Variants in ATP5MC3 observed in about 807,000 individuals in gnomAD.
The protein encoded by ATP5MC3 is ATP synthase membrane subunit c locus 3.
In ATP5MC3, 6 loss-of-function variants were observed where a neutral mutation model predicts 15.6. That is an observed-to-expected ratio of 0.38 (90% confidence interval 0.21 to 0.76). ATP5MC3 has a LOEUF of 0.76. Ranked by LOEUF, ATP5MC3 falls within the 30% of genes least tolerant of loss-of-function variation. The pLI is 0.44. For missense variants in ATP5MC3, 132 were observed against 171.2 expected (o/e 0.77, Z 1.28); for synonymous variants, 66 against 63.3 (o/e 1.04, Z -0.20).
intron 4 of ATP5MC3, 25 bp downstream of exon 4, chr2:175,179,032 C>T (rs2105414609): frequency 6.2e-7 from 1 of 1,604,624 alleles, no homozygotes; most frequent in Non-Finnish European, 8.5e-7. Context: ...ATGCTCTTAA[C>T]TTATTTAGGG....
chr2:175,177,990 C>A lies in ATP5MC3; in HGVS notation c.*298G>T. 1 of 226,688 alleles carries A rather than the reference C, an allele frequency of 4.4e-6. No individual in the cohort carries two copies. Among genetic ancestry groups the A allele is most frequent in the South Asian group, 9.1e-5 (1 of 10,980 alleles). The allele number at this position is 226,688 out of a possible 1,614,324, so 14.0% of individuals were successfully genotyped here. On this transcript the variant is annotated 3_prime_UTR_variant, in exon 5 of 5. Transcript: ENST00000284727. ...CCTATGAATTACAATATGCAGAACACTATATAAAAGAATTCCCATAAAAAT... is the reference window on the plus strand; with the variant it reads ...CCTATGAATTACAATATGCAGAACAATATATAAAAGAATTCCCATAAAAAT...
At chr2:175,180,217 A>G in intron 2 of ATP5MC3, 39 bp from the exon 3 acceptor site, 1 of 1,489,204 alleles carries the variant, frequency 6.7e-7, no homozygotes. Flanking sequence ...AATATTAAGA[A>G]AGAATACAGG....
At chr2:175,181,058 G>A (rs376232821) in intron 2 of ATP5MC3, among the ~76,000 whole-genome samples, 2 of 152,212 alleles carry the variant, frequency 1.3e-5, no homozygotes, top group Non-Finnish European at 2.9e-5. Context: ...ATCCAACAGA[G>A]AGGCTGAGAG....
rs750026487 is a variant in ATP5MC3, at chr2:175,181,330, C to G, written c.39+25G>C. On this transcript the variant is annotated intron_variant, in intron 2 of 4. Coordinates refer to ENST00000284727, the MANE Select transcript of ATP5MC3 (RefSeq NM_001689.5). ...GGCCAAAACGCCCACCCCTCAATCC[C>G]CCCGACCCTGCCTGGGCTACGCACC... is the stretch of plus-strand genomic sequence containing the variant. 13 of 1,611,232 alleles carry G rather than the reference C, an allele frequency of 8.1e-6. No individual in the cohort carries two copies. In the South Asian group the frequency reaches 1.3e-4, roughly 17 times the overall value.
intron 3 of ATP5MC3, 64 bp downstream of exon 3, chr2:175,180,034 A>T: frequency 7.6e-7 from 1 of 1,318,268 alleles, no homozygotes. Flanking sequence ...TTTTTCCTTC[A>T]CTCTAATCAA....
At chr2:175,178,833 G>A in intron 4 of ATP5MC3, 1 of 1,107,816 alleles carries the variant, frequency 9.0e-7, no homozygotes. Context: ...GCTATGACCT[G>A]GGCAAGTAAT....
chr2:175,177,097 C>G lies in ATP5MC3; in HGVS notation c.*1191G>C, dbSNP rs1700698437. The G allele has an allele frequency of 1.3e-5, 2 of 152,136 alleles. No individual in the cohort carries two copies. The highest frequency in any genetic ancestry group is 2.1e-4 in the South Asian group (1 of 4,836). The allele number at this position is 152,136 out of a possible 1,614,324, so 9.4% of individuals were successfully genotyped here. On this transcript the variant is annotated 3_prime_UTR_variant, in exon 5 of 5. Transcript: ENST00000284727. ...AGGATATATATATAACTTAGTGACT[C>G]TCAAACAGTATGCACAAAAACCACC...
At chr2:175,179,869 T>C (rs763141039) in intron 3 of ATP5MC3, 9 of 477,106 alleles carry the variant, frequency 1.9e-5, no homozygotes, top group African/African-American at 4.1e-5. Flanking sequence ...CTTAAATCAA[T>C]AGACTTGAAT....
intron 2 of ATP5MC3, 99 bp from the exon 3 acceptor site, chr2:175,180,277 G>T: frequency 1.1e-6 from 1 of 871,352 alleles, no homozygotes; most frequent in Non-Finnish European, 1.6e-6. Context: ...AAAGCAAGCA[G>T]TAAAAATGAA....
At chr2:175,179,987 G>A (rs981546117) in intron 3 of ATP5MC3, 111 bp downstream of exon 3, 5 of 892,732 alleles carry the variant, frequency 5.6e-6, no homozygotes, top group Non-Finnish European at 8.3e-6. Flanking sequence ...ATAAAAGGGT[G>A]GGAAAGACTT....
chr2:175,178,459 A>G, intron 4 of ATP5MC3, 57 bp from the exon 5 acceptor site: 2 of 1,554,322 alleles, frequency 1.3e-6, no homozygotes, highest in South Asian at 1.2e-5. Context: ...CATGTTTGGT[A>G]AATGTTAAAG....
chr2:175,180,985 G>A (rs1187334178), intron 2 of ATP5MC3, among the ~76,000 whole-genome samples: 1 of 152,186 alleles, frequency 6.6e-6, no homozygotes, highest in Non-Finnish European at 1.5e-5. Context: ...CGCTGCTGAG[G>A]TGAACTAGGC....
In ATP5MC3 at chr2:175,178,078, C is replaced by T; in HGVS notation, c.*210G>A. 1 of 915,824 alleles carries T rather than the reference C, an allele frequency of 1.1e-6. No individual in the cohort carries two copies. The highest frequency in any genetic ancestry group is 1.5e-6 in the Non-Finnish European group (1 of 671,948). The allele number at this position is 915,824 out of a possible 1,614,324, so 56.7% of individuals were successfully genotyped here. A position where few individuals can be genotyped will look rare whatever the true frequency, so the allele number is the denominator to read the frequency against. On this transcript the variant is annotated 3_prime_UTR_variant, in exon 5 of 5. Coordinates refer to ENST00000284727, the MANE Select transcript of ATP5MC3 (RefSeq NM_001689.5). ...TAGCTTCCTCTGAATGGGACAGCAT[C>T]TGCCTGAATGCACGTTCTTCTTTGT... is the stretch of plus-strand genomic sequence containing the variant.
At chr2:175,180,233 C>G in intron 2 of ATP5MC3, 55 bp from the exon 3 acceptor site, 1 of 1,336,060 alleles carries the variant, frequency 7.5e-7, no homozygotes, top group Non-Finnish European at 1.0e-6. Context: ...ACAGGTAAGA[C>G]TTCAATGACT....
At chr2:175,179,881 T>C (rs1308068358) in intron 3 of ATP5MC3, 2 of 500,628 alleles carry the variant, frequency 4.0e-6, no homozygotes, top group African/African-American at 2.0e-5. Flanking sequence ...GACTTGAATA[T>C]AAATACTTGG....
chr2:175,181,673 G>A lies in ATP5MC3; in HGVS notation c.-91C>T, dbSNP rs904995950. On this transcript the variant is annotated 5_prime_UTR_variant, in exon 1 of 5. Coordinates refer to ENST00000284727, the MANE Select transcript of ATP5MC3 (RefSeq NM_001689.5). ...CCACTTACCTTCCCAGGAGGCGGCGGCGGCACGGGCTGCGGCAGAGGTCGA... is the reference window on the plus strand; with the variant it reads ...CCACTTACCTTCCCAGGAGGCGGCGACGGCACGGGCTGCGGCAGAGGTCGA... 2.7e-5 allele frequency: 13 copies of A among 480,608 alleles called. No homozygotes were observed. The highest frequency in any genetic ancestry group is 4.0e-5 in the Non-Finnish European group (11 of 272,412). The allele number at this position is 480,608 out of a possible 1,614,324, so 29.8% of individuals were successfully genotyped here. A position where few individuals can be genotyped will look rare whatever the true frequency, so the allele number is the denominator to read the frequency against.
In ATP5MC3 at chr2:175,176,349, T is replaced by C. The variant is rs576255712; in HGVS notation, c.*1939A>G. 6.4e-5 allele frequency: 3 copies of C among 46,636 alleles called. No homozygotes were observed. In the South Asian group the frequency reaches 3.9e-3, roughly 61 times the overall value. 2.9% of individuals were successfully genotyped at this position (46,636 alleles called of 1,614,324 possible). A position where few individuals can be genotyped will look rare whatever the true frequency, so the allele number is the denominator to read the frequency against. On this transcript the variant is annotated 3_prime_UTR_variant, in exon 5 of 5. Transcript: ENST00000284727. ...CTATCACTTTTAAAATTTTATACTA[T>C]GTACTTTGTATTAAATAGTAGTTTC...
chr2:175,176,353 C>G lies in ATP5MC3; in HGVS notation c.*1935G>C, dbSNP rs891695422. The G allele has an allele frequency of 4.3e-5, 1 of 23,048 alleles. No individual in the cohort carries two copies. The highest frequency in any genetic ancestry group is 1.4e-4 in the African/African-American group (1 of 7,272). 1.4% of individuals were successfully genotyped at this position (23,048 alleles called of 1,614,324 possible). On this transcript the variant is annotated 3_prime_UTR_variant, in exon 5 of 5. Transcript: ENST00000284727. ...CACTTTTAAAATTTTATACTATGTA[C>G]TTTGTATTAAATAGTAGTTTCAGTA...
At chr2:175,181,007 C>T (rs1700760673) in intron 2 of ATP5MC3, among the ~76,000 whole-genome samples, 1 of 152,202 alleles carries the variant, frequency 6.6e-6, no homozygotes, top group South Asian at 2.1e-4. Flanking sequence ...TCAACGGCCC[C>T]CTACATCCTC....
Sources: gnomAD v4.1 joint callset for allele counts (sites outside exome capture counted in the v4.1 genomes callset) on GRCh38, gnomAD v4.1.1 for gene constraint, MANE v1.5 for transcripts, NCBI Gene and HGNC (gene_info 2026-07-23, HGNC 2026-07-21) for gene names.